The following IGSF3 variants were observed in gnomAD, a reference collection of about 807,000 sequenced individuals.
The protein encoded by IGSF3 is immunoglobulin superfamily member 3.
A neutral mutation model predicts 114.4 loss-of-function variants in IGSF3; 23 were observed. The ratio of observed to expected loss-of-function variants is 0.20; its 90% CI spans 0.14 to 0.28. IGSF3 has a LOEUF of 0.28. Among genes scored for constraint, IGSF3 ranks in the 10% least tolerant of loss-of-function variants. The pLI is 1.00. For synonymous variants in IGSF3, 571 were observed against 645.2 expected (o/e 0.88, Z 1.74); for missense variants, 1,172 against 1,591.5 (o/e 0.74, Z 4.48).
intron 5 of IGSF3, chr1:116,606,438 CA>C: frequency 6.2e-7 from 1 of 1,611,156 alleles, no homozygotes; most frequent in South Asian, 1.1e-5. Context: ...CATTAAAATC[CA>C]AGGCATTGTC....
Position 116,614,791 on chromosome 1 carries a change from C to T in IGSF3, c.422-616G>A, listed in dbSNP as rs1401419393. Among the ~76,000 whole-genome samples, 1 of 152,200 alleles carries T rather than the reference C, an allele frequency of 6.6e-6. No homozygotes were observed. The highest frequency in any genetic ancestry group is 1.5e-5 in the Non-Finnish European group (1 of 68,034). ...AGGGGTCCTCACTGGAAGGAAGCCA[C>T]AGTCTGGAGAGATTCAGGCAAGAGA... On this transcript the variant is annotated intron_variant, in intron 3 of 10. Transcript: ENST00000369486. The surrounding 1 kb of genome is among the most constrained non-coding windows in gnomAD (Gnocchi z 4.5).
At position 116,585,550 on chromosome 1, in the gene IGSF3, C is replaced by T. The variant is rs570440; in HGVS notation, c.2441-498G>A. On this transcript the variant is annotated intron_variant, in intron 8 of 10. Transcript: ENST00000369486. This position sits in a 1 kb window ranked among gnomAD's most constrained non-coding sequence, Gnocchi z 4.9. ...TTAATCTGTTCATGTGTTAGCCCTA[C>T]GAATTGTAGTCCAACATCCTTACAA... 1.3e-5 allele frequency among the ~76,000 whole-genome samples: 2 copies of T among 152,018 alleles called. No homozygotes were observed. The highest frequency in any genetic ancestry group is 1.3e-4 in the Admixed American group (2 of 15,262).
chr1:116,645,164 C>G (rs1648302170), intron 2 of IGSF3, among the ~76,000 whole-genome samples: 1 of 152,232 alleles, frequency 6.6e-6, no homozygotes. Flanking sequence ...AAACGGAACA[C>G]TACTCAGCAA....
At chr1:116,653,970 T>C (rs1648744111) in intron 2 of IGSF3, among the ~76,000 whole-genome samples, 1 of 152,246 alleles carries the variant, frequency 6.6e-6, no homozygotes, top group Admixed American at 6.5e-5. Context: ...AGCAAGCTAT[T>C]TTTTGTACTG....
Position 116,592,658 on chromosome 1 carries a change from C to T in IGSF3, c.2030-3554G>A, listed in dbSNP as rs542829136. 1.4e-4 allele frequency among the ~76,000 whole-genome samples: 22 copies of T among 152,286 alleles called. No homozygotes were observed. In the South Asian group the frequency reaches 3.5e-3, roughly 24 times the overall value. ...CCCTCCCTTCGGATTCCACTCTGTG[C>T]GTGCTCTTCTCACTCAAAACTCATT... On this transcript the variant is annotated intron_variant, in intron 7 of 10. Transcript: ENST00000369486. This position sits in a 1 kb window ranked among gnomAD's most constrained non-coding sequence, Gnocchi z 4.5.
intron 7 of IGSF3, 26 bp downstream of exon 7, chr1:116,599,915 A>G (rs201365146): frequency 3.1e-6 from 5 of 1,592,238 alleles, no homozygotes; most frequent in Non-Finnish European, 4.3e-6. Context: ...GCATGGGCAC[A>G]TAGCCCACAG....
chr1:116,642,583 C>A lies in IGSF3; in HGVS notation c.43+23701G>T, dbSNP rs1308994890. Among the ~76,000 whole-genome samples the A allele has an allele frequency of 6.6e-6, 1 of 152,240 alleles. No individual in the cohort carries two copies. The highest frequency in any genetic ancestry group is 2.4e-5 in the African/African-American group (1 of 41,460). Reference sequence around the variant, plus strand: ...AAACTGTCATAGTGGTGGGAAGAAGCAGATTGGTTCAACAGGGTAACCAAA... The same window carrying A: ...AAACTGTCATAGTGGTGGGAAGAAGAAGATTGGTTCAACAGGGTAACCAAA... On this transcript the variant is annotated intron_variant, in intron 2 of 10. Coordinates refer to ENST00000369486, the MANE Select transcript of IGSF3 (RefSeq NM_001007237.3). This position sits in a 1 kb window ranked among gnomAD's most constrained non-coding sequence, Gnocchi z 5.4.
Position 116,664,334 on chromosome 1 carries a change from C to T in IGSF3, c.43+1950G>A, listed in dbSNP as rs1382008906. On this transcript the variant is annotated intron_variant, in intron 2 of 10. Coordinates refer to ENST00000369486, the MANE Select transcript of IGSF3 (RefSeq NM_001007237.3). The surrounding 1 kb of genome is among the most constrained non-coding windows in gnomAD (Gnocchi z 4.6). ...ACAGCACCTGCCAGGTGCCAGGGCC[C>T]GAGCTCCACTCCACAGAGTGGCCCA... 2.0e-5 allele frequency among the ~76,000 whole-genome samples: 3 copies of T among 152,284 alleles called. No individual in the cohort carries two copies. The highest frequency in any genetic ancestry group is 2.9e-5 in the Non-Finnish European group (2 of 68,010).
intron 9 of IGSF3, among the ~76,000 whole-genome samples, chr1:116,580,530 A>G (rs917605671): frequency 6.6e-6 from 1 of 152,228 alleles, no homozygotes; most frequent in African/African-American, 2.4e-5. Context: ...TTGGTGTCTT[A>G]TAAGAAGAAG....
In IGSF3 at chr1:116,633,743, CT is replaced by C. The variant is rs1429969736; in HGVS notation, c.44-17287del. ...AAAAATAAAAATTCAAAATCATGATCTTAGGGGTGAAAGAACACTGAGAAAC... is the reference window on the plus strand; with the variant it reads ...AAAAATAAAAATTCAAAATCATGATCTAGGGGTGAAAGAACACTGAGAAAC... On this transcript the variant is annotated intron_variant, in intron 2 of 10. Transcript: ENST00000369486. The surrounding 1 kb of genome is among the most constrained non-coding windows in gnomAD (Gnocchi z 4.3). Among the ~76,000 whole-genome samples the C allele has an allele frequency of 6.6e-6, 1 of 152,172 alleles. No individual in the cohort carries two copies. The highest frequency in any genetic ancestry group is 1.5e-5 in the Non-Finnish European group (1 of 68,032).
At chr1:116,587,745 G>A (rs1659914077) in intron 8 of IGSF3, among the ~76,000 whole-genome samples, 1 of 152,184 alleles carries the variant, frequency 6.6e-6, no homozygotes, top group Non-Finnish European at 1.5e-5. Flanking sequence ...GTGAAGACAA[G>A]GGAGAAGCAG....
Position 116,600,275 on chromosome 1 carries a change from C to T in IGSF3, c.1695G>A (p.Gln565=). The T allele has an allele frequency of 6.2e-7, 1 of 1,613,998 alleles. No homozygotes were observed. The highest frequency in any genetic ancestry group is 8.5e-7 in the Non-Finnish European group (1 of 1,179,982). ...CAGGGTAGTGGGGTTTGATGATACACTGCAAGTCAAAGGAGTCGCTGTAGG... is the reference window on the plus strand; with the variant it reads ...CAGGGTAGTGGGGTTTGATGATACATTGCAAGTCAAAGGAGTCGCTGTAGG... ...GVTYSDSFDL[Q]CIIKPHYPAW... The change falls in exon 7 of 11, where the codon CAG becomes CAA. Residue 565 remains glutamine, a synonymous_variant. Transcript: ENST00000369486. This position sits in a 1 kb window ranked among gnomAD's most constrained non-coding sequence, Gnocchi z 5.5.
intron 2 of IGSF3, among the ~76,000 whole-genome samples, chr1:116,626,246 C>T (rs1557876986): frequency 6.7e-6 from 1 of 149,434 alleles, no homozygotes. Context: ...TAGAGCTCTC[C>T]AGACTTAAAA....
chr1:116,577,566 A>G lies in IGSF3; in HGVS notation c.3335-4T>C. The G allele has an allele frequency of 6.2e-7, 1 of 1,613,552 alleles. No homozygotes were observed. The highest frequency in any genetic ancestry group is 8.5e-7 in the Non-Finnish European group (1 of 1,179,730). ...ATGATGGACTGGAGGGTGGGACCTG[A>G]AAAGAATCATGAGAGAGACAAGACA... On this transcript the variant is annotated splice_region_variant and splice_polypyrimidine_tract_variant and intron_variant, in intron 10 of 10. Transcript: ENST00000369486. This position sits in a 1 kb window ranked among gnomAD's most constrained non-coding sequence, Gnocchi z 5.7.
Position 116,576,657 on chromosome 1 carries a change from A to G in IGSF3, c.*655T>C, listed in dbSNP as rs1361155886. 1 of 152,894 alleles carries G rather than the reference A, an allele frequency of 6.5e-6. No individual in the cohort carries two copies. Among genetic ancestry groups the G allele is most frequent in the Non-Finnish European group, 1.5e-5 (1 of 68,252 alleles). 9.5% of individuals were successfully genotyped at this position (152,894 alleles called of 1,614,324 possible). Reference sequence around the variant, plus strand: ...TGCAGGATTTCTCTTGTACATACACAGTTCTTTGAAGCAAAATTCAGTGCT... The same window carrying G: ...TGCAGGATTTCTCTTGTACATACACGGTTCTTTGAAGCAAAATTCAGTGCT... On this transcript the variant is annotated 3_prime_UTR_variant, in exon 11 of 11. Coordinates refer to ENST00000369486, the MANE Select transcript of IGSF3 (RefSeq NM_001007237.3). This position sits in a 1 kb window ranked among gnomAD's most constrained non-coding sequence, Gnocchi z 4.6.
rs1218734289 is a variant in IGSF3, at chr1:116,589,872, A to C, written c.2030-768T>G. 6.6e-6 allele frequency among the ~76,000 whole-genome samples: 1 copy of C among 152,172 alleles called. No individual in the cohort carries two copies. The highest frequency in any genetic ancestry group is 1.5e-5 in the Non-Finnish European group (1 of 68,024). On this transcript the variant is annotated intron_variant, in intron 7 of 10. Coordinates refer to ENST00000369486, the MANE Select transcript of IGSF3 (RefSeq NM_001007237.3). This position sits in a 1 kb window ranked among gnomAD's most constrained non-coding sequence, Gnocchi z 5.7. ...AGTGCTGGGGATGCCCTGAAGAGTA[A>C]GCCGGAGTCCCAGCCCTCATGGGGT...
rs1184565818 is a variant in IGSF3, at chr1:116,666,761, G to A, written c.-435C>T. On this transcript the variant is annotated 5_prime_UTR_variant, in exon 2 of 11. Coordinates refer to ENST00000369486, the MANE Select transcript of IGSF3 (RefSeq NM_001007237.3). ...TCATTCGGATTCCCCAGAGAGAACAGGGCAGGTTTCGTCAAAACCTTTGAC... is the reference window on the plus strand; with the variant it reads ...TCATTCGGATTCCCCAGAGAGAACAAGGCAGGTTTCGTCAAAACCTTTGAC... 9.4e-6 allele frequency: 4 copies of A among 425,246 alleles called. No homozygotes were observed. The highest frequency in any genetic ancestry group is 1.7e-5 in the Non-Finnish European group (4 of 241,956). The allele number at this position is 425,246 out of a possible 1,614,324, so 26.3% of individuals were successfully genotyped here. A position where few individuals can be genotyped will look rare whatever the true frequency, so the allele number is the denominator to read the frequency against.
In IGSF3 at chr1:116,613,807, G is replaced by A. The variant is rs371172142; in HGVS notation, c.790C>T (p.Arg264Ter). ...ACCACGGCTCCCTCGGAACGCTTTC[G>A]GGTCATAGCATACCACGACCCATCC... is the stretch of plus-strand genomic sequence containing the variant. The part of the protein sequence containing the change: ...DPDGSWYAMT[R>*]KRSEGAVVNV... Residue 264 changes from arginine to a stop codon, truncating the protein, a stop_gained, in exon 4 of 11, where the codon CGA (arginine) becomes TGA (stop). Transcript: ENST00000369486. LOFTEE classifies it high-confidence loss of function. 2 of 1,613,812 alleles carry A rather than the reference G, an allele frequency of 1.2e-6. No homozygotes were observed. Among genetic ancestry groups the A allele is most frequent in the African/African-American group, 2.7e-5 (2 of 74,922 alleles).
intron 2 of IGSF3, among the ~76,000 whole-genome samples, chr1:116,646,069 T>C (rs1648356827): frequency 6.6e-6 from 1 of 152,224 alleles, no homozygotes; most frequent in Non-Finnish European, 1.5e-5. Context: ...TCACTTCCTC[T>C]ACCCTAATGA....
Sources: allele counts gnomAD v4.1 joint callset (sites outside exome capture counted in the v4.1 genomes callset), GRCh38; gene constraint gnomAD v4.1.1; non-coding constraint Gnocchi (gnomAD v3.1); transcripts MANE v1.5; gene names NCBI Gene and HGNC (gene_info 2026-07-23, HGNC 2026-07-21).